The following OSBPL5 variants were observed in gnomAD, a reference collection of about 807,000 sequenced individuals.
OSBPL5 encodes the protein oxysterol-binding protein-related protein 5.
OSBPL5 carries 71 observed loss-of-function variants against 111.2 expected under a neutral mutation model. That is an observed-to-expected ratio of 0.64 (90% CI 0.53 to 0.78). OSBPL5 has a LOEUF of 0.78. OSBPL5 is among the 30% of genes least tolerant of loss of function. The pLI, the probability that OSBPL5 is intolerant of heterozygous loss-of-function variation, is 0.00. For synonymous variants in OSBPL5, 549 were observed against 513.9 expected (o/e 1.07, Z -0.93); for missense variants, 1,210 against 1,189.3 (o/e 1.02, Z -0.26).
chr11:3,093,706 G>T lies in OSBPL5; in HGVS notation c.1809+40C>A, dbSNP rs752923925. 72 of 1,612,546 alleles carry T rather than the reference G, an allele frequency of 4.5e-5. 2 individuals carry two copies. The Middle Eastern group carries it at 5.4e-3, about 122-fold the overall frequency. ...CGGGGTCAGAGGCTGGCCTGGCGTT[G>T]ACCGCCCGGCCGTGCCTGCCCTGAG... On this transcript the variant is annotated intron_variant, in intron 16 of 21. Transcript: ENST00000263650.
At chr11:3,095,677 A>AG (rs1397820071) in intron 14 of OSBPL5, among the ~76,000 whole-genome samples, 1 of 148,102 alleles carries the variant, frequency 6.8e-6, no homozygotes, top group Admixed American at 6.7e-5. Context: ...GGAAGACAGC[A>AG]GGGGAAAAAA....
chr11:3,103,769 C>A lies in OSBPL5; in HGVS notation c.1244+424G>T, dbSNP rs528382277. On this transcript the variant is annotated intron_variant, in intron 10 of 21. Transcript: ENST00000263650. Reference sequence around the variant, plus strand: ...AACCCTCTTCCAGCTCTGCAGCCCCCTTCCAGCCTCTGCAGTCCCTTCCTG... The same window carrying A: ...AACCCTCTTCCAGCTCTGCAGCCCCATTCCAGCCTCTGCAGTCCCTTCCTG... Among the ~76,000 whole-genome samples, 136 of 88,510 alleles carry A rather than the reference C, an allele frequency of 1.5e-3. 19 individuals carry two copies. Among genetic ancestry groups the A allele is most frequent in the South Asian group, 4.8e-3 (10 of 2,084 alleles). The allele number at this position is 88,510 out of a possible 152,430, so 58.1% of individuals were successfully genotyped here. A position where few individuals can be genotyped will look rare whatever the true frequency, so the allele number is the denominator to read the frequency against.
rs1228436578 is a variant in OSBPL5, at chr11:3,140,517, C to T, written c.-21-11348G>A. 2.0e-5 allele frequency among the ~76,000 whole-genome samples: 3 copies of T among 152,148 alleles called. No homozygotes were observed. Among genetic ancestry groups the T allele is most frequent in the African/African-American group, 7.2e-5 (3 of 41,430 alleles). Reference sequence around the variant, plus strand: ...CCTTGACCTGGTAGCCCACTTTCAACACTCCGTGAGCACGCAGGGCCTCCC... The same window carrying T: ...CCTTGACCTGGTAGCCCACTTTCAATACTCCGTGAGCACGCAGGGCCTCCC... On this transcript the variant is annotated intron_variant, in intron 1 of 21. Coordinates refer to ENST00000263650, the MANE Select transcript of OSBPL5 (RefSeq NM_020896.4). The surrounding 1 kb of genome is among the most constrained non-coding windows in gnomAD (Gnocchi z 4.5).
intron 1 of OSBPL5, among the ~76,000 whole-genome samples, chr11:3,147,363 C>T (rs10833354): frequency 0.34 from 51,862 of 152,188 alleles, 9,640 homozygotes; most frequent in Non-Finnish European, 0.4. Flanking sequence ...CTCTGCTGGC[C>T]GACCTGGCTT....
intron 1 of OSBPL5, among the ~76,000 whole-genome samples, chr11:3,147,200 C>A (rs1008458849): frequency 6.6e-6 from 1 of 152,220 alleles, no homozygotes; most frequent in African/African-American, 2.4e-5. Flanking sequence ...GACTCCTGCT[C>A]CAGAGTCAGG....
Position 3,113,180 on chromosome 11 carries a change from T to C in OSBPL5, c.692-5235A>G, listed in dbSNP as rs1255239979. 1.3e-5 allele frequency among the ~76,000 whole-genome samples: 2 copies of C among 152,238 alleles called. No individual in the cohort carries two copies. The highest frequency in any genetic ancestry group is 2.4e-5 in the African/African-American group (1 of 41,468). On this transcript the variant is annotated intron_variant, in intron 7 of 21. Coordinates refer to ENST00000263650, the MANE Select transcript of OSBPL5 (RefSeq NM_020896.4). The surrounding 1 kb of genome is among the most constrained non-coding windows in gnomAD (Gnocchi z 4.8). ...AAGTTTATGTAACTTAAATAAAATC[T>C]TTAATAAATAAGCTAGCTTTAAAAT...
At chr11:3,138,057 C>T (rs1329269133) in intron 1 of OSBPL5, among the ~76,000 whole-genome samples, 2 of 152,208 alleles carry the variant, frequency 1.3e-5, no homozygotes, top group African/African-American at 2.4e-5. Context: ...GACGCAGCAT[C>T]GAGCCATGCC....
At chr11:3,091,630 G>A (rs936240042) in intron 19 of OSBPL5, among the ~76,000 whole-genome samples, 2 of 152,242 alleles carry the variant, frequency 1.3e-5, no homozygotes, top group East Asian at 3.9e-4. Flanking sequence ...TGAGCCCGGG[G>A]GGATGGAGAC....
At chr11:3,156,222 C>T (rs1003925114) in intron 1 of OSBPL5, among the ~76,000 whole-genome samples, 5 of 152,202 alleles carry the variant, frequency 3.3e-5, no homozygotes, top group Admixed American at 6.5e-5. Flanking sequence ...CCAAGGAAAC[C>T]GGAACGCTTG....
At chr11:3,122,574 C>A (rs1039254670) in intron 3 of OSBPL5, 146 bp from the exon 4 acceptor site, 13 of 674,614 alleles carry the variant, frequency 1.9e-5, no homozygotes, top group African/African-American at 1.1e-4. Flanking sequence ...TCCATCCCCC[C>A]CACCAGCACT....
intron 10 of OSBPL5, among the ~76,000 whole-genome samples, chr11:3,103,662 C>G (rs1250070459): frequency 1.4e-5 from 2 of 147,420 alleles, no homozygotes; most frequent in African/African-American, 5.2e-5. Context: ...CTTCCTGCCT[C>G]TGTTGCCCCC....
chr11:3,091,062 C>G (rs868169144), intron 19 of OSBPL5, among the ~76,000 whole-genome samples: 2 of 152,212 alleles, frequency 1.3e-5, no homozygotes, highest in Non-Finnish European at 2.9e-5. Context: ...GCCATGAGGA[C>G]AGATGAAAGC....
intron 1 of OSBPL5, among the ~76,000 whole-genome samples, chr11:3,145,064 C>T (rs140294475): frequency 5.9e-5 from 9 of 152,224 alleles, no homozygotes; most frequent in Non-Finnish European, 8.8e-5. Context: ...CGACTCCCCA[C>T]GGAAGGGGCA....
chr11:3,165,069 G>A lies in OSBPL5; in HGVS notation c.-22+147C>T, dbSNP rs1289578497. ...GCACTGGCTACTGCCAGGGTCCGCG[G>A]GGCTGCGGCGCGAGCTCCTGGATCC... is the stretch of plus-strand genomic sequence containing the variant. On this transcript the variant is annotated intron_variant, in intron 1 of 21. Transcript: ENST00000263650. This position sits in a 1 kb window ranked among gnomAD's most constrained non-coding sequence, Gnocchi z 7.4. 1 of 150,774 alleles carries A rather than the reference G, an allele frequency of 6.6e-6. No homozygotes were observed. Among genetic ancestry groups the A allele is most frequent in the Non-Finnish European group, 1.5e-5 (1 of 67,538 alleles). 9.3% of individuals were successfully genotyped at this position (150,774 alleles called of 1,614,324 possible). A position where few individuals can be genotyped will look rare whatever the true frequency, so the allele number is the denominator to read the frequency against.
In OSBPL5 at chr11:3,112,025, ATGTGTG is replaced by A. The variant is rs80227921; in HGVS notation, c.692-4086_692-4081del. On this transcript the variant is annotated intron_variant, in intron 7 of 21. Transcript: ENST00000263650. ...TGTGTGTGTGCGCGCATGTGTGTGCATGTGTGTGTATGTGTGCGCGCATGTGTGTGC... is the reference window on the plus strand; with the variant it reads ...TGTGTGTGTGCGCGCATGTGTGTGCATGTATGTGTGCGCGCATGTGTGTGC... 9.9e-4 allele frequency among the ~76,000 whole-genome samples: 130 copies of A among 131,928 alleles called. 1 individual carries two copies. Among genetic ancestry groups the A allele is most frequent in the African/African-American group, 1.6e-3 (57 of 35,098 alleles). 86.5% of individuals were successfully genotyped at this position (131,928 alleles called of 152,430 possible).
chr11:3,151,462 C>G (rs1023908155), intron 1 of OSBPL5, among the ~76,000 whole-genome samples: 8 of 152,200 alleles, frequency 5.3e-5, no homozygotes, highest in Non-Finnish European at 1.2e-4. Context: ...CAGCAGGTGA[C>G]CAGACAGACC....
Position 3,121,193 on chromosome 11 carries a change from G to A in OSBPL5, c.403-569C>T, listed in dbSNP as rs1016881060. Reference sequence around the variant, plus strand: ...CTGCCTCAGCCGCCCGAGTAGCTGGGATTACAGGCGCCCGCCACCATGCCT... The same window carrying A: ...CTGCCTCAGCCGCCCGAGTAGCTGGAATTACAGGCGCCCGCCACCATGCCT... On this transcript the variant is annotated intron_variant, in intron 5 of 21. Coordinates refer to ENST00000263650, the MANE Select transcript of OSBPL5 (RefSeq NM_020896.4). This position sits in a 1 kb window ranked among gnomAD's most constrained non-coding sequence, Gnocchi z 4.3. 6.6e-6 allele frequency among the ~76,000 whole-genome samples: 1 copy of A among 151,994 alleles called. No individual in the cohort carries two copies. Among genetic ancestry groups the A allele is most frequent in the African/African-American group, 2.4e-5 (1 of 41,388 alleles).
At chr11:3,116,543 T>C (rs933607488) in intron 7 of OSBPL5, among the ~76,000 whole-genome samples, 1 of 152,172 alleles carries the variant, frequency 6.6e-6, no homozygotes, top group Non-Finnish European at 1.5e-5. Flanking sequence ...ATTAACTGCA[T>C]GGACTAAACT....
intron 13 of OSBPL5, among the ~76,000 whole-genome samples, chr11:3,100,967 A>C (rs1590644531): frequency 7.5e-6 from 1 of 132,808 alleles, no homozygotes. Flanking sequence ...TTTCAGTTTC[A>C]TTTCTTTTTT....
Sources: gnomAD v4.1 joint callset for allele counts (sites outside exome capture counted in the v4.1 genomes callset) on GRCh38, gnomAD v4.1.1 for gene constraint, Gnocchi (gnomAD v3.1) non-coding constraint, MANE v1.5 for transcripts, NCBI Gene and HGNC (gene_info 2026-07-23, HGNC 2026-07-21) for gene names.